Variants in EXT1 observed in about 807,000 individuals in gnomAD.
The protein encoded by EXT1 is exostosin glycosyltransferase 1, also known as exostosin-1.
Under a neutral mutation model 82.5 loss-of-function variants are expected in EXT1, and 20 were observed. That is an observed-to-expected ratio of 0.24 (90% CI 0.17 to 0.35). The LOEUF (loss-of-function observed/expected upper bound fraction) is 0.35. Among genes scored for constraint, EXT1 ranks in the 10% least tolerant of loss-of-function variants. EXT1 has a pLI of 1.00. For missense variants in EXT1, 757 were observed against 936.5 expected (o/e 0.81, Z 2.50); for synonymous variants, 348 against 350.8 (o/e 0.99, Z 0.09).
chr8:117,904,034 G>A (rs1024855148), intron 1 of EXT1, among the ~76,000 whole-genome samples: 28 of 152,148 alleles, frequency 1.8e-4, no homozygotes, highest in African/African-American at 6.0e-4. Context: ...TAATTAACTA[G>A]AACATAAAGA....
intron 1 of EXT1, among the ~76,000 whole-genome samples, chr8:118,039,680 C>T (rs1027545739): frequency 6.6e-6 from 1 of 151,440 alleles, no homozygotes; most frequent in Admixed American, 6.6e-5. Flanking sequence ...ATTATTTTTA[C>T]TGATCACCCA....
chr8:117,805,862 T>C (rs1013342635), intron 9 of EXT1, among the ~76,000 whole-genome samples: 5 of 152,194 alleles, frequency 3.3e-5, no homozygotes, highest in Admixed American at 3.3e-4. Context: ...ACCAAATATA[T>C]GCAAACAACT....
intron 1 of EXT1, among the ~76,000 whole-genome samples, chr8:118,029,686 T>C (rs1306849251): frequency 4.6e-5 from 7 of 152,204 alleles, no homozygotes; most frequent in Non-Finnish European, 7.3e-5. Flanking sequence ...TTAGTGACTA[T>C]TCATCTGCAG....
intron 5 of EXT1, among the ~76,000 whole-genome samples, chr8:117,820,550 A>C (rs1482817324): frequency 1.4e-5 from 2 of 145,550 alleles, no homozygotes; most frequent in Non-Finnish European, 3.0e-5. Context: ...TTAGCTGGGC[A>C]TGGTGGCATT....
At chr8:118,083,883 GC>G (rs902133793) in intron 1 of EXT1, among the ~76,000 whole-genome samples, 35 of 152,168 alleles carry the variant, frequency 2.3e-4, no homozygotes, top group Admixed American at 2.0e-3. Flanking sequence ...TAAAAAATTA[GC>G]CAGGTGTGGT....
At chr8:118,002,035 CTT>C (rs891476621) in intron 1 of EXT1, among the ~76,000 whole-genome samples, 1 of 152,008 alleles carries the variant, frequency 6.6e-6, no homozygotes, top group African/African-American at 2.4e-5. Flanking sequence ...TGTTGAAAGA[CTT>C]TTTTAGACAA....
chr8:117,835,836 T>C (rs1266938328), intron 2 of EXT1, among the ~76,000 whole-genome samples: 1 of 152,240 alleles, frequency 6.6e-6, no homozygotes, highest in Non-Finnish European at 1.5e-5. Flanking sequence ...TAGAGACGAC[T>C]GGCCTTGCTG....
At chr8:118,019,000 G>T (rs1411428275) in intron 1 of EXT1, among the ~76,000 whole-genome samples, 1 of 151,398 alleles carries the variant, frequency 6.6e-6, no homozygotes, top group Non-Finnish European at 1.5e-5. Context: ...GCAATCTACG[G>T]TTCAATAAAA....
chr8:117,892,427 T>C (rs1274010786), intron 1 of EXT1, among the ~76,000 whole-genome samples: 3 of 152,254 alleles, frequency 2.0e-5, no homozygotes, highest in Non-Finnish European at 1.5e-5. Context: ...TTGCTGCTGC[T>C]GCTGCTGCTG....
At chr8:117,801,999 ATCTAT>A (rs1215028606) in intron 10 of EXT1, among the ~76,000 whole-genome samples, 7 of 152,356 alleles carry the variant, frequency 4.6e-5, no homozygotes, top group African/African-American at 1.7e-4. Flanking sequence ...GTCAACCAAC[ATCTAT>A]TAGAAAAGAT....
intron 1 of EXT1, among the ~76,000 whole-genome samples, chr8:117,946,439 A>G (rs1226688978): frequency 6.6e-6 from 1 of 152,182 alleles, no homozygotes; most frequent in Non-Finnish European, 1.5e-5. Context: ...AAAGTCCTAC[A>G]TAAGCATTTG....
At chr8:118,069,686 G>A (rs940210338) in intron 1 of EXT1, among the ~76,000 whole-genome samples, 2 of 152,102 alleles carry the variant, frequency 1.3e-5, no homozygotes, top group Non-Finnish European at 2.9e-5. Context: ...CAGGTTAAAG[G>A]ATACTTGTAG....
intron 1 of EXT1, among the ~76,000 whole-genome samples, chr8:117,871,211 A>G (rs1812863974): frequency 6.6e-6 from 1 of 152,162 alleles, no homozygotes; most frequent in Non-Finnish European, 1.5e-5. Flanking sequence ...ATCAACCCTA[A>G]TAGTGTTTTC....
intron 1 of EXT1, among the ~76,000 whole-genome samples, chr8:117,968,659 T>C (rs1167034536): frequency 1.0e-5 from 1 of 95,612 alleles, no homozygotes; most frequent in Non-Finnish European, 1.8e-5. Flanking sequence ...AAGCTCCACC[T>C]CCCGGGTTCA....
chr8:117,891,773 A>G (rs1813246805), intron 1 of EXT1, among the ~76,000 whole-genome samples: 2 of 148,310 alleles, frequency 1.3e-5, no homozygotes, highest in South Asian at 4.4e-4. Flanking sequence ...CCTAAGCAGG[A>G]GTGAGGGCAA....
intron 1 of EXT1, among the ~76,000 whole-genome samples, chr8:118,008,360 A>T (rs1815823763): frequency 6.6e-6 from 1 of 152,048 alleles, no homozygotes; most frequent in Non-Finnish European, 1.5e-5. Flanking sequence ...CCCTGGTTCA[A>T]GCGATTCTCC....
chr8:117,814,041 AAGAAGGAGG>A (rs949996272), intron 7 of EXT1, among the ~76,000 whole-genome samples: 53 of 151,630 alleles, frequency 3.5e-4, no homozygotes, highest in South Asian at 6.3e-4. Flanking sequence ...AAGAAGAAAG[AAGAAGGAGG>A]AGAAGGAGGA....
chr8:117,946,731 A>G (rs1814397523), intron 1 of EXT1, among the ~76,000 whole-genome samples: 1 of 152,244 alleles, frequency 6.6e-6, no homozygotes, highest in African/African-American at 2.4e-5. Flanking sequence ...CCTCTGAATT[A>G]TTAACTTCTC....
chr8:118,022,326 C>CTTTTTTTTTTTTTTT (rs71307420), intron 1 of EXT1, among the ~76,000 whole-genome samples: 1 of 46,176 alleles, frequency 2.2e-5, no homozygotes, highest in Non-Finnish European at 4.1e-5. Context: ...CATATATATT[C>CTTTTTTTTTTTTTTT]TTTTTTTTTT....
Sources: allele counts gnomAD v4.1 joint callset (sites outside exome capture counted in the v4.1 genomes callset), GRCh38; gene constraint gnomAD v4.1.1; transcripts MANE v1.5; gene names NCBI Gene and HGNC (gene_info 2026-07-23, HGNC 2026-07-21).